KLHL1: variants seen among roughly 807,000 people sequenced by gnomAD.
KLHL1 encodes kelch-like protein 1.
Under a neutral mutation model 77.7 loss-of-function variants are expected in KLHL1, and 47 were observed. That is an observed-to-expected ratio of 0.60 (90% CI 0.48 to 0.77). The LOEUF (loss-of-function observed/expected upper bound fraction) is 0.77. KLHL1 is among the 30% of genes least tolerant of loss of function. The pLI, the probability that KLHL1 is intolerant of heterozygous loss-of-function variation, is 0.00. For missense variants in KLHL1, 925 were observed against 910.8 expected, an observed-to-expected ratio of 1.02 and a Z score of -0.20; for synonymous variants, 360 against 325.2, an observed-to-expected ratio of 1.11 and a Z score of -1.15.
rs1211633607 is a variant in KLHL1 at position 69,837,648 on chromosome 13, A to G, written c.1414+1328T>C. Among the ~76,000 whole-genome samples the G allele has an allele frequency of 1.4e-4, 18 of 132,124 alleles. No individual in the cohort carries two copies. The East Asian group carries it at 2.2e-3, about 16-fold the overall frequency. 86.7% of individuals were successfully genotyped at this position (132,124 alleles called of 152,430 possible). ...TGTGTGTGTATATATATATATGTGT[A>G]TATATATATGTGTGTGTGTGTGTAT... On this transcript the variant is annotated intron_variant, in intron 6 of 10. Transcript: ENST00000377844.
intron 1 of KLHL1, among the ~76,000 whole-genome samples, chr13:70,091,814 A>G (rs555805925): frequency 6.6e-6 from 1 of 152,292 alleles, no homozygotes; most frequent in South Asian, 2.1e-4. Flanking sequence ...AAACTACCTT[A>G]GAGCTAACTT....
intron 6 of KLHL1, among the ~76,000 whole-genome samples, chr13:69,824,920 A>T (rs1295714153): frequency 2.0e-5 from 3 of 152,082 alleles, no homozygotes; most frequent in Non-Finnish European, 4.4e-5. Context: ...AAAATATCTA[A>T]AAAAAATTTG....
intron 1 of KLHL1, among the ~76,000 whole-genome samples, chr13:70,039,127 G>A (rs1886311001): frequency 6.7e-6 from 1 of 150,368 alleles, no homozygotes; most frequent in Non-Finnish European, 1.5e-5. Context: ...AGTTGCAGTG[G>A]AGCAATAATA....
chr13:70,081,100 A>C (rs780071642), intron 1 of KLHL1, among the ~76,000 whole-genome samples: 2 of 152,226 alleles, frequency 1.3e-5, no homozygotes, highest in Non-Finnish European at 2.9e-5. Flanking sequence ...CATTTGATTT[A>C]ACAAGGAAGT....
chr13:70,038,683 C>T (rs1046492871), intron 1 of KLHL1, among the ~76,000 whole-genome samples: 26 of 146,566 alleles, frequency 1.8e-4, no homozygotes, highest in East Asian at 8.3e-4. Context: ...CTCTGCCTCC[C>T]GGGTACAAGT....
intron 4 of KLHL1, among the ~76,000 whole-genome samples, chr13:69,901,901 G>A (rs1017939778): frequency 2.0e-5 from 3 of 147,880 alleles, no homozygotes; most frequent in Admixed American, 1.4e-4. Flanking sequence ...GGGTTCAAGC[G>A]ATTCTCCTGC....
At chr13:70,084,773 C>G (rs185820403) in intron 1 of KLHL1, among the ~76,000 whole-genome samples, 1,541 of 151,502 alleles carry the variant, frequency 0.01, 11 homozygotes, top group Non-Finnish European at 0.014. Context: ...CTGCGCCGGG[C>G]CGTCTATTTC....
Position 69,819,881 on chromosome 13 carries a change from T to C in KLHL1, c.1414+19095A>G, listed in dbSNP as rs555125043. On this transcript the variant is annotated intron_variant, in intron 6 of 10. Transcript: ENST00000377844. ...CAGTTTGAGAGTCTCAGCTTTTTAA[T>C]TGGTTTACTCTTGCTTTAGAATGAA... Among the ~76,000 whole-genome samples, 8 of 152,338 alleles carry C rather than the reference T, an allele frequency of 5.3e-5. No individual in the cohort carries two copies. In the South Asian group the frequency reaches 8.3e-4, roughly 16 times the overall value.
intron 1 of KLHL1, among the ~76,000 whole-genome samples, chr13:70,056,876 A>AG (rs1311634316): frequency 3.3e-5 from 5 of 152,188 alleles, no homozygotes; most frequent in Admixed American, 6.5e-5. Flanking sequence ...AAGGAAAAAA[A>AG]CAAAACAACT....
At chr13:69,798,857 C>T (rs1163385744) in intron 6 of KLHL1, among the ~76,000 whole-genome samples, 1 of 152,040 alleles carries the variant, frequency 6.6e-6, no homozygotes, top group Non-Finnish European at 1.5e-5. Context: ...CATCTGAGGT[C>T]AGGAGACTGA....
intron 5 of KLHL1, among the ~76,000 whole-genome samples, chr13:69,856,304 T>A (rs1449320101): frequency 3.9e-5 from 6 of 152,052 alleles, no homozygotes; most frequent in Non-Finnish European, 8.8e-5. Context: ...TTGTAATGCA[T>A]CCTGTTACAC....
At chr13:69,887,610 G>A (rs2138203657) in intron 4 of KLHL1, among the ~76,000 whole-genome samples, 2 of 152,082 alleles carry the variant, frequency 1.3e-5, no homozygotes, top group East Asian at 3.9e-4. Flanking sequence ...CAAAACGCTG[G>A]GATGCAAACA....
chr13:70,036,695 T>G (rs1031559240), intron 1 of KLHL1, among the ~76,000 whole-genome samples: 6 of 151,926 alleles, frequency 3.9e-5, no homozygotes, highest in African/African-American at 1.4e-4. Flanking sequence ...AAGTAGGATA[T>G]TCCCTTATTT....
In KLHL1 at chr13:69,825,042, C is replaced by T. The variant is rs764751719; in HGVS notation, c.1414+13934G>A. Among the ~76,000 whole-genome samples, 4 of 151,922 alleles carry T rather than the reference C, an allele frequency of 2.6e-5. No homozygotes were observed. In the South Asian group the frequency reaches 6.2e-4, roughly 24 times the overall value. ...GTGATAGAAAAATGATAGATGGATA[C>T]GTATGTGATAAAGCCATGTTGCATA... is the stretch of plus-strand genomic sequence containing the variant. On this transcript the variant is annotated intron_variant, in intron 6 of 10. Transcript: ENST00000377844.
chr13:70,057,060 T>C (rs928961477), intron 1 of KLHL1, among the ~76,000 whole-genome samples: 2 of 151,998 alleles, frequency 1.3e-5, no homozygotes, highest in South Asian at 4.1e-4. Flanking sequence ...CCTTTAGCCA[T>C]GTGAGAAAGA....
intron 9 of KLHL1, 126 bp downstream of exon 9, chr13:69,719,243 T>A: frequency 1.5e-6 from 1 of 687,722 alleles, no homozygotes; most frequent in Non-Finnish European, 2.5e-6. Flanking sequence ...AGAAAGGAGT[T>A]AAAAATGTAT....
intron 8 of KLHL1, among the ~76,000 whole-genome samples, chr13:69,738,803 A>G (rs1873868046): frequency 6.6e-6 from 1 of 152,178 alleles, no homozygotes; most frequent in Non-Finnish European, 1.5e-5. Context: ...GATGGGGAGA[A>G]CAGAACCAAG....
At position 69,900,998 on chromosome 13, in the gene KLHL1, T is replaced by C. The variant is rs149691187; in HGVS notation, c.1015-18503A>G. Among the ~76,000 whole-genome samples, 8 of 152,304 alleles carry C rather than the reference T, an allele frequency of 5.3e-5. No individual in the cohort carries two copies. The East Asian group carries it at 1.5e-3, about 29-fold the overall frequency. On this transcript the variant is annotated intron_variant, in intron 4 of 10. Coordinates refer to ENST00000377844, the MANE Select transcript of KLHL1 (RefSeq NM_020866.3). The stretch of plus-strand genomic sequence containing the variant: ...ATTAGCTTTGTCTTTGGTTCTGTTC[T>C]AGGGAAAACACACATCTTTCCTTTT...
At chr13:69,794,616 A>G (rs1400408566) in intron 7 of KLHL1, among the ~76,000 whole-genome samples, 1 of 152,042 alleles carries the variant, frequency 6.6e-6, no homozygotes, top group East Asian at 1.9e-4. Flanking sequence ...TCTACAATAA[A>G]AAAGAGTTAA....
Sources: allele counts gnomAD v4.1 joint callset (sites outside exome capture counted in the v4.1 genomes callset), GRCh38; gene constraint gnomAD v4.1.1; transcripts MANE v1.5; gene names NCBI Gene and HGNC (gene_info 2026-07-23, HGNC 2026-07-21).